Variants in ANKRD55 observed in about 807,000 individuals in gnomAD.
ANKRD55 encodes ankyrin repeat domain 55.
ANKRD55 carries 41 observed loss-of-function variants against 60.6 expected under a neutral mutation model. The ratio of observed to expected loss-of-function variants is 0.68; its 90% CI spans 0.53 to 0.88. ANKRD55 has a LOEUF of 0.88. ANKRD55 is among the 40% of genes least tolerant of loss of function. The pLI is 0.00. For synonymous variants in ANKRD55, 264 were observed against 290.3 expected (o/e 0.91, Z 0.92); for missense variants, 732 against 767.6 (o/e 0.95, Z 0.55).
intron 2 of ANKRD55, among the ~76,000 whole-genome samples, chr5:56,227,481 G>T (rs1054555846): frequency 3.3e-5 from 5 of 151,948 alleles, no homozygotes; most frequent in African/African-American, 1.2e-4. Flanking sequence ...AGAACTTAAA[G>T]TATAAAAGAA....
intron 4 of ANKRD55, among the ~76,000 whole-genome samples, chr5:56,172,236 C>G (rs1004907945): frequency 7.2e-5 from 11 of 151,956 alleles, no homozygotes; most frequent in Non-Finnish European, 1.3e-4. Context: ...AAAAATGCAT[C>G]AAAATTCAGA....
At chr5:56,164,437 G>A (rs1337598137) in intron 5 of ANKRD55, among the ~76,000 whole-genome samples, 2 of 152,082 alleles carry the variant, frequency 1.3e-5, no homozygotes, top group African/African-American at 4.8e-5. Flanking sequence ...GGTAACTAGA[G>A]AACAGGACCC....
chr5:56,179,471 C>T (rs1561282722), intron 3 of ANKRD55, among the ~76,000 whole-genome samples: 1 of 152,146 alleles, frequency 6.6e-6, no homozygotes, highest in Non-Finnish European at 1.5e-5. Flanking sequence ...CCTTCAACTG[C>T]TCTGTAACTT....
chr5:56,109,212 A>C (rs140251374), intron 10 of ANKRD55, among the ~76,000 whole-genome samples: 9 of 152,320 alleles, frequency 5.9e-5, no homozygotes, highest in African/African-American at 2.2e-4. Flanking sequence ...AAAGATGTTT[A>C]TAAAGCCTGT....
chr5:56,183,698 C>A, intron 2 of ANKRD55, 64 bp from the exon 3 acceptor site: 2 of 1,588,014 alleles, frequency 1.3e-6, no homozygotes, highest in Non-Finnish European at 1.7e-6. Flanking sequence ...AATAACAATA[C>A]CCAAGTCGTC....
chr5:56,168,495 G>A (rs1260975891), intron 5 of ANKRD55, among the ~76,000 whole-genome samples: 1 of 152,182 alleles, frequency 6.6e-6, no homozygotes, highest in Non-Finnish European at 1.5e-5. Flanking sequence ...CAAAGTGCAA[G>A]AGTAGTGATA....
At chr5:56,109,568 T>C (rs889263140) in intron 10 of ANKRD55, among the ~76,000 whole-genome samples, 15 of 151,622 alleles carry the variant, frequency 9.9e-5, no homozygotes, top group African/African-American at 3.1e-4. Context: ...ATGGGGATCC[T>C]GCTACATTGA....
At chr5:56,106,577 C>T (rs938546165) in intron 10 of ANKRD55, among the ~76,000 whole-genome samples, 1 of 152,094 alleles carries the variant, frequency 6.6e-6, no homozygotes, top group South Asian at 2.1e-4. Context: ...GCGCCCGCCA[C>T]CACACCTGGC....
intron 2 of ANKRD55, among the ~76,000 whole-genome samples, chr5:56,194,409 T>A (rs1759182468): frequency 6.6e-6 from 1 of 152,022 alleles, no homozygotes; most frequent in South Asian, 2.1e-4. Context: ...TGCAGGATGA[T>A]ATAAATGATC....
chr5:56,214,984 G>A (rs928708118), intron 2 of ANKRD55, among the ~76,000 whole-genome samples: 1 of 152,192 alleles, frequency 6.6e-6, no homozygotes, highest in Non-Finnish European at 1.5e-5. Flanking sequence ...AGCAGACTGT[G>A]TGCTGATTTA....
At chr5:56,142,735 A>G (rs773246439) in intron 7 of ANKRD55, among the ~76,000 whole-genome samples, 57 of 152,220 alleles carry the variant, frequency 3.7e-4, no homozygotes, top group Non-Finnish European at 6.5e-4. Context: ...GGCCAGCCCC[A>G]GGGCATGGAG....
chr5:56,155,220 T>TA (rs35522199), intron 6 of ANKRD55, among the ~76,000 whole-genome samples: 148 of 141,134 alleles, frequency 1.0e-3, no homozygotes, highest in African/African-American at 3.7e-3. Flanking sequence ...GAGACTGTCT[T>TA]AAAAAAAAAA....
intron 9 of ANKRD55, among the ~76,000 whole-genome samples, chr5:56,113,660 CAG>C (rs1756804740): frequency 6.6e-6 from 1 of 152,016 alleles, no homozygotes; most frequent in Admixed American, 6.6e-5. Flanking sequence ...TACACAGAAA[CAG>C]AGAGTAAAAC....
intron 2 of ANKRD55, among the ~76,000 whole-genome samples, chr5:56,217,658 G>A (rs111277796): frequency 0.013 from 2,026 of 152,236 alleles, 48 homozygotes; most frequent in African/African-American, 0.046. Flanking sequence ...ACTTTGGGAG[G>A]CCAAGGCGGG....
At chr5:56,206,530 C>A (rs1211015449) in intron 2 of ANKRD55, among the ~76,000 whole-genome samples, 1 of 152,186 alleles carries the variant, frequency 6.6e-6, no homozygotes. Flanking sequence ...CTTTACGGAG[C>A]CCCTGCATCA....
At chr5:56,178,668 A>G (rs1263738542) in intron 3 of ANKRD55, among the ~76,000 whole-genome samples, 1 of 152,172 alleles carries the variant, frequency 6.6e-6, no homozygotes, top group African/African-American at 2.4e-5. Context: ...AAGAAGAGCA[A>G]GACTTATGTG....
At chr5:56,202,747 A>G (rs1759409020) in intron 2 of ANKRD55, among the ~76,000 whole-genome samples, 1 of 152,196 alleles carries the variant, frequency 6.6e-6, no homozygotes, top group Admixed American at 6.5e-5. Flanking sequence ...TTTCTTCCTA[A>G]CCAAATTTGT....
intron 6 of ANKRD55, among the ~76,000 whole-genome samples, chr5:56,149,203 CTA>C: frequency 6.6e-6 from 1 of 152,046 alleles, no homozygotes; most frequent in Non-Finnish European, 1.5e-5. Flanking sequence ...TTGGAATTTC[CTA>C]AACTGAGTAG....
intron 10 of ANKRD55, among the ~76,000 whole-genome samples, chr5:56,103,783 A>G (rs1756363337): frequency 6.6e-6 from 1 of 152,246 alleles, no homozygotes; most frequent in South Asian, 2.1e-4. Context: ...CAGAATTGCT[A>G]TAGCAATGCT....
Sources: allele counts gnomAD v4.1 joint callset (sites outside exome capture counted in the v4.1 genomes callset), GRCh38; gene constraint gnomAD v4.1.1; transcripts MANE v1.5; gene names NCBI Gene and HGNC (gene_info 2026-07-23, HGNC 2026-07-21).